TENM2: variants seen among roughly 807,000 people sequenced by gnomAD.
TENM2 encodes teneurin transmembrane protein 2.
TENM2 carries 52 observed loss-of-function variants against 245.2 expected under a neutral mutation model. That is an observed-to-expected ratio of 0.21 (90% CI 0.17 to 0.27). TENM2 has a LOEUF of 0.27. Ranked by LOEUF, TENM2 falls within the 10% of genes least tolerant of loss-of-function variation. The pLI is 1.00. For synonymous variants in TENM2, 1,363 were observed against 1,438.9 expected (o/e 0.95, Z 1.19); for missense variants, 3,046 against 3,666.8 (o/e 0.83, Z 4.37).
At chr5:167,990,852 G>A (rs1449441642) in intron 4 of TENM2, among the ~76,000 whole-genome samples, 1 of 152,152 alleles carries the variant, frequency 6.6e-6, no homozygotes, top group Non-Finnish European at 1.5e-5. Flanking sequence ...GGTTTTATCT[G>A]CAAACAGCCA....
chr5:167,086,606 G>A, the TENM2 span, among the ~76,000 whole-genome samples: 4 of 151,960 alleles, frequency 2.6e-5, no homozygotes, highest in Non-Finnish European at 5.9e-5. Context: ...AACGTAATTG[G>A]GAATATGCCT....
At chr5:168,093,948 T>C (rs1793154332) in intron 8 of TENM2, among the ~76,000 whole-genome samples, 1 of 149,190 alleles carries the variant, frequency 6.7e-6, no homozygotes, top group Non-Finnish European at 1.5e-5. Context: ...ATTATAATTT[T>C]TGTTTATTTT....
intron 4 of TENM2, among the ~76,000 whole-genome samples, chr5:167,964,133 A>G (rs1248641937): frequency 6.6e-6 from 1 of 152,198 alleles, no homozygotes; most frequent in Non-Finnish European, 1.5e-5. Flanking sequence ...TTCTTGTTCA[A>G]TATCACCTAT....
At chr5:167,285,705 G>A (rs1347526764) in intron 1 of TENM2, among the ~76,000 whole-genome samples, 4 of 152,232 alleles carry the variant, frequency 2.6e-5, no homozygotes, top group African/African-American at 9.7e-5. Context: ...GCAAAGCAGT[G>A]CTGAGAGGTG....
the TENM2 span, among the ~76,000 whole-genome samples, chr5:167,054,367 T>A: frequency 6.6e-6 from 1 of 152,140 alleles, no homozygotes; most frequent in African/African-American, 2.4e-5. Flanking sequence ...GGTTTGATAG[T>A]TCATTTCTTT....
At chr5:167,494,808 G>A (rs1300401917) in intron 2 of TENM2, among the ~76,000 whole-genome samples, 1 of 152,074 alleles carries the variant, frequency 6.6e-6, no homozygotes, top group African/African-American at 2.4e-5. Flanking sequence ...AAGACTTGAA[G>A]TTGGACTGAA....
rs1581547505 is a variant in TENM2 at position 168,178,526 on chromosome 5, CTG to C, written c.2570-11808_2570-11807del. Among the ~76,000 whole-genome samples the C allele has an allele frequency of 2.0e-5, 3 of 152,246 alleles. No homozygotes were observed. In the East Asian group the frequency reaches 5.8e-4, roughly 29 times the overall value. ...TGGCTCTAGGCTAACAAGGGTGAGA[CTG>C]TGCCAGAGAGGCCTGTCAGAGGCTG... On this transcript the variant is annotated intron_variant, in intron 13 of 28. Coordinates refer to ENST00000518659, the Ensembl canonical transcript of TENM2.
chr5:168,030,168 T>TTTTTTTTTTTTTTTTC (rs1485262126), intron 5 of TENM2, among the ~76,000 whole-genome samples: 4,832 of 84,394 alleles, frequency 0.057, 383 homozygotes, highest in East Asian at 0.086. Flanking sequence ...CTTTTTTTTT[T>TTTTTTTTTTTTTTTTC]TTTTTTTTTT....
chr5:166,980,623 G>A, the TENM2 span, among the ~76,000 whole-genome samples: 1 of 152,016 alleles, frequency 6.6e-6, no homozygotes, highest in Non-Finnish European at 1.5e-5. Flanking sequence ...AAAAACTGAA[G>A]GGCCAGTGAG....
At chr5:168,112,616 G>GGGC (rs1794768572) in intron 9 of TENM2, among the ~76,000 whole-genome samples, 1 of 102,360 alleles carries the variant, frequency 9.8e-6, no homozygotes, top group Non-Finnish European at 2.0e-5. Context: ...CGGGGGGGGG[G>GGGC]TCAAACTTTA....
the TENM2 span, among the ~76,000 whole-genome samples, chr5:167,208,838 A>G: frequency 6.6e-6 from 1 of 152,222 alleles, no homozygotes; most frequent in Non-Finnish European, 1.5e-5. Flanking sequence ...CCAACAATTA[A>G]TGGAACATAC....
At chr5:168,230,296 A>G (rs1384198871) in intron 25 of TENM2, among the ~76,000 whole-genome samples, 1 of 152,224 alleles carries the variant, frequency 6.6e-6, no homozygotes, top group East Asian at 1.9e-4. Flanking sequence ...GAAAATCACT[A>G]TGAGATTATA....
chr5:168,042,347 A>G (rs1788263628), intron 5 of TENM2, among the ~76,000 whole-genome samples: 1 of 152,144 alleles, frequency 6.6e-6, no homozygotes, highest in African/African-American at 2.4e-5. Flanking sequence ...CGGCAAACAC[A>G]GAGCATCCGT....
At chr5:167,222,398 T>G in the TENM2 span, among the ~76,000 whole-genome samples, 1 of 152,230 alleles carries the variant, frequency 6.6e-6, no homozygotes, top group African/African-American at 2.4e-5. Context: ...TAGCTCAGTT[T>G]TGCATTGCAC....
At chr5:167,475,379 T>C (rs1767305462) in intron 2 of TENM2, among the ~76,000 whole-genome samples, 1 of 152,056 alleles carries the variant, frequency 6.6e-6, no homozygotes, top group Non-Finnish European at 1.5e-5. Flanking sequence ...AACTGAGAAA[T>C]CATGAAAATA....
chr5:167,583,428 G>T (rs1182274670), intron 2 of TENM2, among the ~76,000 whole-genome samples: 2 of 150,618 alleles, frequency 1.3e-5, no homozygotes, highest in Non-Finnish European at 3.0e-5. Context: ...ACAATAGGAG[G>T]TGATAGGGGC....
chr5:167,320,556 A>G (rs1030168226), intron 1 of TENM2, among the ~76,000 whole-genome samples: 6 of 100,190 alleles, frequency 6.0e-5, no homozygotes, highest in African/African-American at 2.2e-4. Context: ...TTTAATTGCC[A>G]TTGTAACAGT....
intron 2 of TENM2, among the ~76,000 whole-genome samples, chr5:167,543,832 G>GTTCC (rs750043508): frequency 1.3e-5 from 2 of 152,134 alleles, no homozygotes; most frequent in African/African-American, 2.4e-5. Flanking sequence ...GTCACACAGA[G>GTTCC]TTCCCCTTGT....
At position 167,700,930 on chromosome 5, in the gene TENM2, A is replaced by G. The variant is rs546432255; in HGVS notation, c.503-175056A>G. ...ATAATACTTAGTTCAGCCCCAGTACACACAGTTGTTATATTTCTTAAAAAA... is the reference window on the plus strand; with the variant it reads ...ATAATACTTAGTTCAGCCCCAGTACGCACAGTTGTTATATTTCTTAAAAAA... On this transcript the variant is annotated intron_variant, in intron 2 of 28. Coordinates refer to ENST00000518659, the Ensembl canonical transcript of TENM2. Among the ~76,000 whole-genome samples, 18 of 145,324 alleles carry G rather than the reference A, an allele frequency of 1.2e-4. No homozygotes were observed. The South Asian group carries it at 3.4e-3, about 27-fold the overall frequency.
Sources: gnomAD v4.1 joint callset for allele counts (sites outside exome capture counted in the v4.1 genomes callset) on GRCh38, gnomAD v4.1.1 for gene constraint, MANE v1.5 for transcripts, NCBI Gene and HGNC (gene_info 2026-07-23, HGNC 2026-07-21) for gene names.